The following TMEM101 variants were observed in gnomAD, a reference collection of about 807,000 sequenced individuals.
The protein encoded by TMEM101 is putative NF-kappa-B-activating protein 130.
Under a neutral mutation model 26.0 loss-of-function variants are expected in TMEM101, and 14 were observed. The observed-to-expected ratio is 0.54, with a 90% CI of 0.36 to 0.84. The LOEUF is 0.84. Ranked by LOEUF, TMEM101 falls within the 40% of genes least tolerant of loss-of-function variation. The pLI, the probability that TMEM101 is intolerant of heterozygous loss-of-function variation, is 0.01. For synonymous variants in TMEM101, 152 were observed against 145.1 expected (o/e 1.05, Z -0.34); for missense variants, 292 against 345.1 (o/e 0.85, Z 1.22).
rs150743650 is a variant in TMEM101 at position 44,012,141 on chromosome 17, A to G, written c.561T>C (p.Tyr187=). 1.2e-3 allele frequency: 1,872 copies of G among 1,614,272 alleles called. No homozygotes were observed. Among genetic ancestry groups the G allele is most frequent in the Admixed American group, 1.5e-3 (91 of 60,036 alleles). The change falls in exon 4 of 4, where the codon TAT becomes TAC. Residue 187 remains tyrosine, a synonymous_variant. Transcript: ENST00000206380. ...ACAGAAAGGCCAGGGCCAGGATGCCATACAGCACGAAGAACAGCTGGATCA... is the reference window on the plus strand; with the variant it reads ...ACAGAAAGGCCAGGGCCAGGATGCCGTACAGCACGAAGAACAGCTGGATCA... The part of the protein sequence containing the change: ...ELMIQLFFVL[Y]GILALAFLSG...
chr17:44,015,130 T>A, upstream of TMEM101: 1 of 759,026 alleles, frequency 1.3e-6, no homozygotes. Context: ...CGTCTGCTCA[T>A]GGAGCCTTCA....
intron 1 of TMEM101, 117 bp from the exon 2 acceptor site, chr17:44,014,654 T>C (rs913340833): frequency 1.3e-6 from 2 of 1,500,970 alleles, no homozygotes; most frequent in Admixed American, 1.9e-5. Context: ...TCCCCTCCCA[T>C]GGGCAGGACC....
At chr17:44,017,166 A>AAT (rs1306471440), upstream of TMEM101, among the ~76,000 whole-genome samples, 1 of 150,326 alleles carries the variant, frequency 6.7e-6, no homozygotes. Flanking sequence ...AAAAAAAAAA[A>AAT]AATTCCCACC....
chr17:44,012,065 G>T lies in TMEM101; in HGVS notation c.637C>A (p.Pro213Thr). Residue 213 changes from proline (P) to threonine (T), a missense_variant, in exon 4 of 4, where the codon CCT (proline) becomes ACT (threonine). Pro to Thr is a conservative substitution (Grantham distance 38, BLOSUM62 -1). Transcript: ENST00000206380. Reference protein sequence around the residue: ...AAQILAVLLPPVMLLIDGNVA... With the variant: ...AAQILAVLLPTVMLLIDGNVA... ...TTGCCATCAATGAGCAGCATGACAG[G>T]GGGCAGCAGTACAGCCAGGATCTGG... 6.2e-7 allele frequency: 1 copy of T among 1,614,228 alleles called. No individual in the cohort carries two copies. The highest frequency in any genetic ancestry group is 1.1e-5 in the South Asian group (1 of 91,084).
At chr17:44,022,246 G>C (rs948726886) in intron 1 of TMEM101, among the ~76,000 whole-genome samples, 8 of 152,140 alleles carry the variant, frequency 5.3e-5, no homozygotes, top group African/African-American at 1.9e-4. Flanking sequence ...GGATGCCAAG[G>C]AATTTGTTTG....
chr17:44,014,928 G>A lies in TMEM101; in HGVS notation c.25C>T (p.Arg9Trp), dbSNP rs766412752. 11 of 1,613,304 alleles carry A rather than the reference G, an allele frequency of 6.8e-6. No homozygotes were observed. In the South Asian group the frequency reaches 7.7e-5, roughly 11 times the overall value. ...TGCATGATCAGCTGCAACATCCACC[G>A]TCTCGAACCTATCTTCGACGCCATC... MASKIGSR[R>W]WMLQLIMQLG... is the part of the protein sequence containing the mutation. The change falls in exon 1 of 4, where the codon CGG (arginine) becomes TGG (tryptophan). Residue 9 changes from arginine (R) to tryptophan (W), a missense_variant. Physicochemically the swap from Arg to Trp is moderately radical, Grantham distance 101 (BLOSUM62 -3). Around this residue, in one of 2 missense-constraint regions of TMEM101, gnomAD observed 143 missense variants for 133.2 expected, o/e 1.07. Transcript: ENST00000206380.
intron 1 of TMEM101, 60 bp downstream of exon 1, chr17:44,014,756 C>G (rs1248622338): frequency 1.1e-5 from 17 of 1,519,682 alleles, no homozygotes; most frequent in Non-Finnish European, 1.4e-5. Flanking sequence ...TTCTAGCCCC[C>G]AATTTCTTGC....
At chr17:44,022,650 GCAC>G (rs2049295996) in intron 1 of TMEM101, among the ~76,000 whole-genome samples, 1 of 152,164 alleles carries the variant, frequency 6.6e-6, no homozygotes, top group Admixed American at 6.5e-5. Context: ...GGTTCAAATT[GCAC>G]TAATTTAGAT....
At chr17:44,019,445 A>G (rs2049265423), upstream of TMEM101, 1 of 217,576 alleles carries the variant, frequency 4.6e-6, no homozygotes, top group Admixed American at 5.6e-5. Context: ...GCTCTTTTGT[A>G]ATGAGTTGTT....
intron 2 of TMEM101, among the ~76,000 whole-genome samples, chr17:44,020,826 G>T (rs1041342916): frequency 3.9e-5 from 6 of 152,156 alleles, no homozygotes; most frequent in African/African-American, 1.4e-4. Context: ...CATTCCCAGC[G>T]GCCTCTGGCA....
chr17:44,019,670 A>G (rs183202533), upstream of TMEM101, among the ~76,000 whole-genome samples: 9 of 152,340 alleles, frequency 5.9e-5, no homozygotes, highest in Non-Finnish European at 1.3e-4. Flanking sequence ...TCCATGTTCA[A>G]TTGAGTTCAA....
At chr17:44,012,591 C>T (rs2049175192) in intron 3 of TMEM101, 1 of 398,124 alleles carries the variant, frequency 2.5e-6, no homozygotes, top group African/African-American at 2.0e-5. Flanking sequence ...CTCCAGTCAC[C>T]CTGGCCTCCC....
At chr17:44,012,799 G>A (rs1188334257) in intron 3 of TMEM101, 8 of 448,974 alleles carry the variant, frequency 1.8e-5, no homozygotes, top group Middle Eastern at 4.4e-4. Flanking sequence ...AGTCTACCTC[G>A]TGGCAACACT....
upstream of TMEM101, among the ~76,000 whole-genome samples, chr17:44,015,737 G>A (rs1245343768): frequency 6.6e-6 from 1 of 152,148 alleles, no homozygotes; most frequent in Non-Finnish European, 1.5e-5. Flanking sequence ...CTAGTACATA[G>A]TAGTGGTTCA....
At position 44,013,105 on chromosome 17, in the gene TMEM101, CA is replaced by C; in HGVS notation, c.368del (p.Leu123TrpfsTer48). 1 of 1,608,836 alleles carries C rather than the reference CA, an allele frequency of 6.2e-7. No homozygotes were observed. The highest frequency in any genetic ancestry group is 8.5e-7 in the Non-Finnish European group (1 of 1,176,308). ...TVAIIGGFLV[L>X]ASGAGELYRR... Reference sequence around the variant, plus strand: ...GGTACAGCTCCCCAGCACCGCTGGCCAACACAAGAAAGCCGCCGATGATGGC... The same window carrying C: ...GGTACAGCTCCCCAGCACCGCTGGCCACACAAGAAAGCCGCCGATGATGGC... On this transcript the variant is annotated frameshift_variant, in exon 3 of 4. Transcript: ENST00000206380. LOFTEE classifies it high-confidence loss of function.
In TMEM101 at chr17:44,011,617, A is replaced by G; in HGVS notation, c.*311T>C. The G allele has an allele frequency of 2.6e-6, 1 of 392,116 alleles. No individual in the cohort carries two copies. Among genetic ancestry groups the G allele is most frequent in the Non-Finnish European group, 4.6e-6 (1 of 215,236 alleles). The allele number at this position is 392,116 out of a possible 1,614,324, so 24.3% of individuals were successfully genotyped here. ...CTCTGTCTCCCACTCTCCCACTCTC[A>G]GTAGCCGCATCCCAGCCCTGCCATA... On this transcript the variant is annotated 3_prime_UTR_variant, in exon 4 of 4. Coordinates refer to ENST00000206380, the MANE Select transcript of TMEM101 (RefSeq NM_032376.4).
intron 2 of TMEM101, chr17:44,021,233 G>A (rs893344266): frequency 6.6e-6 from 1 of 152,182 alleles, no homozygotes; most frequent in African/African-American, 2.4e-5. Flanking sequence ...ACCTGCATCT[G>A]CGGTTTTATA....
rs142375871 is a variant in TMEM101, at chr17:44,014,798, C to T, written c.137+18G>A. The T allele has an allele frequency of 1.0e-4, 157 of 1,540,098 alleles. 1 individual carries two copies. The East Asian group carries it at 3.6e-3, about 35-fold the overall frequency. On this transcript the variant is annotated intron_variant, in intron 1 of 3. Coordinates refer to ENST00000206380, the MANE Select transcript of TMEM101 (RefSeq NM_032376.4). ...CACCGCCCCCTGCCGCGTTTAGCGGCTGCGTAGGCCTGCTCACCGGCGTGC... is the reference window on the plus strand; with the variant it reads ...CACCGCCCCCTGCCGCGTTTAGCGGTTGCGTAGGCCTGCTCACCGGCGTGC...
intron 1 of TMEM101, among the ~76,000 whole-genome samples, chr17:44,022,302 T>C (rs1394722937): frequency 1.3e-5 from 2 of 152,240 alleles, no homozygotes; most frequent in Non-Finnish European, 2.9e-5. Context: ...ATCTTTGAGA[T>C]AGGAGCTGGG....
Sources: gnomAD v4.1 joint callset for allele counts (sites outside exome capture counted in the v4.1 genomes callset) on GRCh38, gnomAD v4.1.1 for gene constraint, gnomAD v4.1.1 regional missense constraint, MANE v1.5 for transcripts, NCBI Gene and HGNC (gene_info 2026-07-23, HGNC 2026-07-21) for gene names.